LRBA: variants seen among roughly 807,000 people sequenced by gnomAD.
The protein encoded by LRBA is lipopolysaccharide-responsive and beige-like anchor protein.
LRBA carries 176 observed loss-of-function variants against 330.0 expected under a neutral mutation model. The ratio of observed to expected loss-of-function variants is 0.53; its 90% CI spans 0.47 to 0.60. The LOEUF (loss-of-function observed/expected upper bound fraction) is 0.60, where lower values mean the gene tolerates loss of function less well. Among genes scored for constraint, LRBA ranks in the 20% least tolerant of loss-of-function variants. The probability of loss-of-function intolerance (pLI) is 0.00; values close to 1 mark genes in which losing one functional copy is unlikely to be tolerated. For synonymous variants in LRBA, 1,230 were observed against 1,193.0 expected (o/e 1.03, Z -0.64); for missense variants, 3,259 against 3,444.8 (o/e 0.95, Z 1.35).
At chr4:150,980,785 G>A (rs1450730334) in intron 2 of LRBA, among the ~76,000 whole-genome samples, 1 of 152,176 alleles carries the variant, frequency 6.6e-6, no homozygotes, top group Non-Finnish European at 1.5e-5. Context: ...ATTCAGTAAA[G>A]TTGTAGAATA....
chr4:150,687,771 T>C (rs980730162), intron 36 of LRBA, among the ~76,000 whole-genome samples: 4 of 152,002 alleles, frequency 2.6e-5, no homozygotes, highest in Admixed American at 6.6e-5. Context: ...CTACCTAATT[T>C]TACTATTCAT....
chr4:150,641,729 T>C (rs919424839), intron 37 of LRBA, among the ~76,000 whole-genome samples: 2 of 152,048 alleles, frequency 1.3e-5, no homozygotes, highest in Non-Finnish European at 2.9e-5. Context: ...AGTTTAGGGG[T>C]ATAGGAGTTG....
chr4:150,736,825 A>C (rs555585554), intron 35 of LRBA, among the ~76,000 whole-genome samples: 2 of 152,192 alleles, frequency 1.3e-5, no homozygotes, highest in Non-Finnish European at 2.9e-5. Flanking sequence ...AAAATTCTTA[A>C]TAGCAGACAG....
At chr4:150,573,367 T>C (rs1237257653) in intron 40 of LRBA, among the ~76,000 whole-genome samples, 4 of 152,204 alleles carry the variant, frequency 2.6e-5, no homozygotes, top group Admixed American at 2.6e-4. Context: ...TCTCAGTCTT[T>C]TAGGTTTGCA....
intron 2 of LRBA, among the ~76,000 whole-genome samples, chr4:150,978,721 T>C (rs958025468): frequency 4.6e-5 from 7 of 152,104 alleles, no homozygotes; most frequent in African/African-American, 1.7e-4. Flanking sequence ...AATTTGAGAA[T>C]TGAAAAATGA....
At chr4:150,858,976 AT>A (rs1015758333) in intron 22 of LRBA, among the ~76,000 whole-genome samples, 88 of 152,324 alleles carry the variant, frequency 5.8e-4, no homozygotes, top group African/African-American at 2.0e-3. Context: ...TTAAAAAAAA[AT>A]CTTATTTCCA....
At chr4:150,291,112 C>T (rs1345065880) in intron 53 of LRBA, among the ~76,000 whole-genome samples, 3 of 122,310 alleles carry the variant, frequency 2.5e-5, no homozygotes, top group Admixed American at 1.8e-4. Flanking sequence ...CCCCCTCCCC[C>T]CACCCCACCA....
At chr4:150,298,830 A>G (rs1729292418) in intron 53 of LRBA, among the ~76,000 whole-genome samples, 1 of 152,106 alleles carries the variant, frequency 6.6e-6, no homozygotes, top group Admixed American at 6.5e-5. Context: ...GAAATACTAC[A>G]CACACAAATC....
intron 4 of LRBA, among the ~76,000 whole-genome samples, chr4:150,924,988 G>A (rs1281124220): frequency 6.6e-6 from 1 of 151,930 alleles, no homozygotes; most frequent in East Asian, 1.9e-4. Context: ...TGGACAACAT[G>A]GCAAAACCCA....
At chr4:150,870,300 G>A (rs1001790765) in intron 20 of LRBA, among the ~76,000 whole-genome samples, 1 of 152,130 alleles carries the variant, frequency 6.6e-6, no homozygotes, top group Non-Finnish European at 1.5e-5. Flanking sequence ...AAGACCTTAA[G>A]CAAACAATTC....
chr4:150,327,285 T>C (rs140278481), intron 48 of LRBA, among the ~76,000 whole-genome samples: 1 of 152,070 alleles, frequency 6.6e-6, no homozygotes, highest in Non-Finnish European at 1.5e-5. Context: ...CTGGGTGTGC[T>C]GGTGTGTGCC....
At chr4:150,756,785 G>A (rs1231983885) in intron 35 of LRBA, among the ~76,000 whole-genome samples, 1 of 152,156 alleles carries the variant, frequency 6.6e-6, no homozygotes, top group Non-Finnish European at 1.5e-5. Flanking sequence ...TTCTATTGAT[G>A]TGGTGCTACA....
At chr4:150,490,322 C>T (rs1202560504) in intron 41 of LRBA, among the ~76,000 whole-genome samples, 1 of 151,726 alleles carries the variant, frequency 6.6e-6, no homozygotes, top group African/African-American at 2.4e-5. Context: ...TTCCATTGTA[C>T]ACCTCCACCC....
chr4:150,840,869 T>C (rs1748969399), intron 28 of LRBA: 2 of 955,376 alleles, frequency 2.1e-6, no homozygotes, highest in African/African-American at 1.8e-5. Flanking sequence ...TAGAAACTAA[T>C]GGTAAAAATG....
chr4:150,661,666 A>G (rs1451871849), intron 37 of LRBA, among the ~76,000 whole-genome samples: 15 of 152,062 alleles, frequency 9.9e-5, no homozygotes, highest in South Asian at 2.1e-4. Context: ...GCTGGAGTGC[A>G]GTGGCACAAT....
At chr4:150,389,242 A>G (rs1743527609) in intron 47 of LRBA, among the ~76,000 whole-genome samples, 1 of 152,014 alleles carries the variant, frequency 6.6e-6, no homozygotes, top group Non-Finnish European at 1.5e-5. Context: ...CTGTAGTCCC[A>G]GCTCAGGAGG....
chr4:150,474,078 A>G (rs72957808), intron 42 of LRBA, among the ~76,000 whole-genome samples: 3,862 of 152,074 alleles, frequency 0.025, 141 homozygotes, highest in African/African-American at 0.083. Context: ...TTTTTCTCCT[A>G]TGTTTTCTTT....
At chr4:150,436,964 AT>A in intron 44 of LRBA, 100 bp from the exon 45 acceptor site, 3 of 1,068,988 alleles carry the variant, frequency 2.8e-6, no homozygotes, top group Non-Finnish European at 4.2e-6. Context: ...ATAAAAGTGA[AT>A]TTTAAAAATA....
At position 150,831,972 on chromosome 4, in the gene LRBA, T is replaced by A. The variant is rs778429872; in HGVS notation, c.4574A>T (p.Asp1525Val). 1 of 1,494,162 alleles carries A rather than the reference T, an allele frequency of 6.7e-7. No homozygotes were observed. Among genetic ancestry groups the A allele is most frequent in the African/African-American group, 1.4e-5 (1 of 69,518 alleles). The allele number at this position is 1,494,162 out of a possible 1,614,324, so 92.6% of individuals were successfully genotyped here. ...LRAVVFRDIE[D>V]SKQAQFLALA... Reference sequence around the variant, plus strand: ...GGCTAAAAATTGAGCTTGTTTGCTATCCTCCTGGGAAAAAAAATTAAAGGA... The same window carrying A: ...GGCTAAAAATTGAGCTTGTTTGCTAACCTCCTGGGAAAAAAAATTAAAGGA... Residue 1525 changes from aspartate to valine, a missense_variant, in exon 29 of 57, where the codon GAT becomes GTT. Asp to Val is a radical substitution (Grantham distance 152, BLOSUM62 -3). Coordinates refer to ENST00000651943, the MANE Select transcript of LRBA (RefSeq NM_001364905.1).
Sources: gnomAD v4.1 joint callset for allele counts (sites outside exome capture counted in the v4.1 genomes callset) on GRCh38, gnomAD v4.1.1 for gene constraint, MANE v1.5 for transcripts, NCBI Gene and HGNC (gene_info 2026-07-23, HGNC 2026-07-21) for gene names.